The following LRP1B variants were observed in gnomAD, a reference collection of about 807,000 sequenced individuals.
The protein encoded by LRP1B is low-density lipoprotein receptor-related protein 1B.
Under a neutral mutation model 556.6 loss-of-function variants are expected in LRP1B, and 217 were observed. The observed-to-expected ratio is 0.39, with a 90% CI of 0.35 to 0.44. The LOEUF (loss-of-function observed/expected upper bound fraction) is 0.44. Ranked by LOEUF, LRP1B falls within the 20% of genes least tolerant of loss-of-function variation. The probability of loss-of-function intolerance (pLI) is 1.00; values close to 1 mark genes in which losing one functional copy is unlikely to be tolerated. For synonymous variants in LRP1B, 2,047 were observed against 1,865.8 expected, an observed-to-expected ratio of 1.10 and a Z score of -2.50; for missense variants, 5,053 against 5,620.8, an observed-to-expected ratio of 0.90 and a Z score of 3.23.
At chr2:141,995,318 T>C (rs913939801) in intron 1 of LRP1B, among the ~76,000 whole-genome samples, 3 of 152,198 alleles carry the variant, frequency 2.0e-5, no homozygotes, top group Non-Finnish European at 2.9e-5. Context: ...TGTTTTCTTA[T>C]GGCCCCTTCC....
At chr2:141,674,187 G>A (rs759551155) in intron 2 of LRP1B, among the ~76,000 whole-genome samples, 58 of 152,098 alleles carry the variant, frequency 3.8e-4, no homozygotes, top group Non-Finnish European at 6.5e-4. Context: ...AATATACAAT[G>A]TTTTAAAATA....
intron 35 of LRP1B, among the ~76,000 whole-genome samples, chr2:140,722,012 G>A (rs1204460536): frequency 6.6e-6 from 1 of 152,100 alleles, no homozygotes; most frequent in Non-Finnish European, 1.5e-5. Flanking sequence ...AGACTCCTCT[G>A]TGTCTTCTGG....
At chr2:140,397,157 T>A (rs1329117640) in intron 66 of LRP1B, among the ~76,000 whole-genome samples, 1 of 152,196 alleles carries the variant, frequency 6.6e-6, no homozygotes, top group Non-Finnish European at 1.5e-5. Flanking sequence ...ATCAAGCCTA[T>A]AAAATTACTT....
chr2:142,104,271 T>G (rs1706671822), intron 1 of LRP1B, among the ~76,000 whole-genome samples: 1 of 152,052 alleles, frequency 6.6e-6, no homozygotes, highest in Non-Finnish European at 1.5e-5. Flanking sequence ...AAATCCCCAT[T>G]CTTTTACGGG....
At chr2:140,320,807 C>A (rs1680072224) in intron 82 of LRP1B, among the ~76,000 whole-genome samples, 1 of 152,006 alleles carries the variant, frequency 6.6e-6, no homozygotes, top group Non-Finnish European at 1.5e-5. Flanking sequence ...CTCTGGGGGG[C>A]TTAGGCAGGC....
chr2:141,746,359 T>A (rs931434248), intron 2 of LRP1B, among the ~76,000 whole-genome samples: 1 of 152,158 alleles, frequency 6.6e-6, no homozygotes, highest in Admixed American at 6.6e-5. Flanking sequence ...CTAGAGCTCA[T>A]CTAAATGCTC....
chr2:141,834,925 T>G (rs941350227), intron 1 of LRP1B, among the ~76,000 whole-genome samples: 6 of 151,912 alleles, frequency 3.9e-5, no homozygotes, highest in African/African-American at 1.4e-4. Context: ...TTGTGATATT[T>G]GTGGATTTTT....
rs117918735 is a variant in LRP1B, at chr2:141,277,788, T to C, written c.344-23147A>G. ...AAAGAAGATCACACAATCCAATTAT[T>C]ATTTAGAAGTGGTGCAGATACAAGA... On this transcript the variant is annotated intron_variant, in intron 3 of 90. Transcript: ENST00000389484. Among the ~76,000 whole-genome samples, 313 of 152,048 alleles carry C rather than the reference T, an allele frequency of 2.1e-3. 10 individuals are homozygous for C. In the East Asian group the frequency reaches 0.049, roughly 24 times the overall value.
In LRP1B at chr2:141,606,842, C is replaced by T. The variant is rs540005563; in HGVS notation, c.206-126309G>A. 9.2e-5 allele frequency among the ~76,000 whole-genome samples: 14 copies of T among 152,276 alleles called. No homozygotes were observed. The South Asian group carries it at 2.1e-3, about 23-fold the overall frequency. Reference sequence around the variant, plus strand: ...CCACCCAGTCTCTGGTATTCTATTACGGCAGTCCTAGCAAACTATACGAGG... The same window carrying T: ...CCACCCAGTCTCTGGTATTCTATTATGGCAGTCCTAGCAAACTATACGAGG... On this transcript the variant is annotated intron_variant, in intron 2 of 90. Transcript: ENST00000389484.
chr2:141,440,386 A>G (rs1680918416), intron 3 of LRP1B, among the ~76,000 whole-genome samples: 1 of 152,330 alleles, frequency 6.6e-6, no homozygotes, highest in Admixed American at 6.5e-5. Flanking sequence ...CCTAGTTGAA[A>G]ATGGCCACGC....
intron 59 of LRP1B, among the ~76,000 whole-genome samples, chr2:140,483,537 GA>G (rs1049581553): frequency 2.6e-5 from 3 of 116,454 alleles, no homozygotes; most frequent in South Asian, 2.7e-4. Context: ...TGATTTTGAA[GA>G]AAAAAAATTG....
intron 41 of LRP1B, among the ~76,000 whole-genome samples, chr2:140,690,651 A>C (rs1686204941): frequency 6.6e-6 from 1 of 151,972 alleles, no homozygotes; most frequent in South Asian, 2.1e-4. Context: ...GAGATTTCAT[A>C]TTTTTTTTCC....
intron 3 of LRP1B, among the ~76,000 whole-genome samples, chr2:141,260,533 GAGGTCTTTTTTCCTCATT>G (rs1684645561): frequency 6.6e-6 from 1 of 152,118 alleles, no homozygotes; most frequent in African/African-American, 2.4e-5. Context: ...ATTACCAATA[GAGGTCTTTTTTCCTCATT>G]AGTTTTGTTT....
intron 7 of LRP1B, among the ~76,000 whole-genome samples, chr2:141,082,757 T>C (rs2104888135): frequency 6.6e-6 from 1 of 152,304 alleles, no homozygotes; most frequent in South Asian, 2.1e-4. Flanking sequence ...TGCAATCCAA[T>C]GTTTGTGATT....
intron 2 of LRP1B, among the ~76,000 whole-genome samples, chr2:141,634,370 A>G (rs1168421546): frequency 6.6e-6 from 1 of 151,986 alleles, no homozygotes; most frequent in Non-Finnish European, 1.5e-5. Context: ...TAGAAAAATT[A>G]TACTATTTTA....
chr2:141,403,761 T>C (rs909271286), intron 3 of LRP1B, among the ~76,000 whole-genome samples: 2 of 152,184 alleles, frequency 1.3e-5, no homozygotes, highest in African/African-American at 4.8e-5. Flanking sequence ...AGTACAATTT[T>C]TATAATATAG....
At chr2:141,957,874 CTT>C (rs1701301331) in intron 1 of LRP1B, among the ~76,000 whole-genome samples, 1 of 152,002 alleles carries the variant, frequency 6.6e-6, no homozygotes, top group Non-Finnish European at 1.5e-5. Context: ...GATTATCACT[CTT>C]GTTTTAACAA....
intron 6 of LRP1B, 127 bp from the exon 7 acceptor site, chr2:141,188,710 A>C (rs1046409894): frequency 5.4e-6 from 4 of 741,788 alleles, no homozygotes; most frequent in Non-Finnish European, 8.6e-6. Context: ...TTATGAAAAG[A>C]AACTGCAAAG....
At position 140,252,062 on chromosome 2, in the gene LRP1B, CAAAAAAAAAAAA is replaced by C; in HGVS notation, c.13248-4912_13248-4901del. ...TTGCAGATAGTAGCATGACAAGATG[CAAAAAAAAAAAA>C]AAAAAAAAAAAAAAACCCAAAAAAC... On this transcript the variant is annotated intron_variant, in intron 86 of 90. Transcript: ENST00000389484. 5.2e-3 allele frequency among the ~76,000 whole-genome samples: 97 copies of C among 18,564 alleles called. 2 individuals are homozygous for C. The highest frequency in any genetic ancestry group is 0.083 in the Middle Eastern group (1 of 12). The allele number at this position is 18,564 out of a possible 152,430, so 12.2% of individuals were successfully genotyped here.
Sources: gnomAD v4.1 joint callset for allele counts (sites outside exome capture counted in the v4.1 genomes callset) on GRCh38, gnomAD v4.1.1 for gene constraint, MANE v1.5 for transcripts, NCBI Gene and HGNC (gene_info 2026-07-23, HGNC 2026-07-21) for gene names.